ERC1: variants seen among roughly 807,000 people sequenced by gnomAD.
The protein encoded by ERC1 is ELKS/RAB6-interacting/CAST family member 1.
Under a neutral mutation model 132.0 loss-of-function variants are expected in ERC1, and 56 were observed. That is an observed-to-expected ratio of 0.42 (90% confidence interval 0.34 to 0.53). The LOEUF is 0.53. Ranked by LOEUF, ERC1 falls within the 20% of genes least tolerant of loss-of-function variation. The pLI is 0.03. For synonymous variants in ERC1, 478 were observed against 476.1 expected (o/e 1.00, Z -0.05); for missense variants, 1,202 against 1,349.9 (o/e 0.89, Z 1.72).
In ERC1 at chr12:1,399,776, A is replaced by G. The variant is rs149846253; in HGVS notation, c.2926-8373A>G. Among the ~76,000 whole-genome samples the G allele has an allele frequency of 3.9e-3, 595 of 152,284 alleles. 2 individuals carry two copies. The highest frequency in any genetic ancestry group is 0.014 in the African/African-American group (564 of 41,550). ...TATATGGATATGCCAGATTTTATGT[A>G]TCCATTCATAAGTTGTTGGATATTT... On this transcript the variant is annotated intron_variant, in intron 16 of 18. Coordinates refer to ENST00000360905, the MANE Select transcript of ERC1 (RefSeq NM_178040.4).
chr12:1,310,308 C>A (rs2081213509), intron 15 of ERC1, among the ~76,000 whole-genome samples: 2 of 151,940 alleles, frequency 1.3e-5, no homozygotes, highest in Non-Finnish European at 2.9e-5. Context: ...CTCACTGCAA[C>A]CTCTGCCTCT....
chr12:1,138,688 A>C (rs1164360380), intron 7 of ERC1, among the ~76,000 whole-genome samples: 1 of 152,148 alleles, frequency 6.6e-6, no homozygotes, highest in East Asian at 1.9e-4. Context: ...AGGAAAGTAT[A>C]GTATTTATTC....
chr12:1,263,370 C>T (rs1180269607), intron 14 of ERC1, among the ~76,000 whole-genome samples: 3 of 152,134 alleles, frequency 2.0e-5, no homozygotes, highest in Admixed American at 1.3e-4. Context: ...GAAAGAAAGA[C>T]CAACTTTATT....
chr12:1,236,753 C>A lies in ERC1; in HGVS notation c.2352-16C>A. 1 of 1,609,936 alleles carries A rather than the reference C, an allele frequency of 6.2e-7. No homozygotes were observed. Among genetic ancestry groups the A allele is most frequent in the Non-Finnish European group, 8.5e-7 (1 of 1,177,842 alleles). The stretch of plus-strand genomic sequence containing the variant: ...CATACATATGCAAAGCTTGATTTTT[C>A]TCCTTCTGTCATTAGGCAAGTGAAA... On this transcript the variant is annotated splice_polypyrimidine_tract_variant and intron_variant, in intron 12 of 18. Coordinates refer to ENST00000360905, the MANE Select transcript of ERC1 (RefSeq NM_178040.4).
chr12:1,397,996 G>A (rs60561437), intron 16 of ERC1, among the ~76,000 whole-genome samples: 10,962 of 152,038 alleles, frequency 0.072, 779 homozygotes, highest in African/African-American at 0.18. Flanking sequence ...ACAAAAATGC[G>A]AAGTTTTTTT....
At chr12:1,067,277 A>G (rs903531597) in intron 2 of ERC1, among the ~76,000 whole-genome samples, 5 of 152,234 alleles carry the variant, frequency 3.3e-5, no homozygotes, top group Non-Finnish European at 5.9e-5. Flanking sequence ...TGTTTCTGCT[A>G]TCCGATGAAA....
chr12:1,100,945 A>G (rs889899000), intron 3 of ERC1, among the ~76,000 whole-genome samples: 1 of 152,130 alleles, frequency 6.6e-6, no homozygotes, highest in Non-Finnish European at 1.5e-5. Context: ...AGAAAAGCTT[A>G]GGGTAAGATA....
At chr12:1,278,440 TCCAAAAAAAGA>T (rs2078433671) in intron 14 of ERC1, among the ~76,000 whole-genome samples, 1 of 152,078 alleles carries the variant, frequency 6.6e-6, no homozygotes, top group African/African-American at 2.4e-5. Flanking sequence ...AGAATGAATG[TCCAAAAAAAGA>T]GTTGAAATTT....
At chr12:1,331,835 G>A (rs2082887834) in intron 15 of ERC1, among the ~76,000 whole-genome samples, 1 of 151,922 alleles carries the variant, frequency 6.6e-6, no homozygotes, top group South Asian at 2.1e-4. Flanking sequence ...ATACGTTTAA[G>A]TTGTATTTGA....
At chr12:1,001,047 G>A (rs895798803) in intron 1 of ERC1, among the ~76,000 whole-genome samples, 10 of 152,142 alleles carry the variant, frequency 6.6e-5, no homozygotes, top group Admixed American at 2.6e-4. Flanking sequence ...GAGATTACAG[G>A]TATGGGCAAC....
chr12:1,473,414 C>A (rs1388524634), intron 18 of ERC1, among the ~76,000 whole-genome samples: 2 of 152,098 alleles, frequency 1.3e-5, no homozygotes, highest in Admixed American at 1.3e-4. Context: ...TAAGCAACAG[C>A]CTTTCCTTCC....
intron 14 of ERC1, among the ~76,000 whole-genome samples, chr12:1,274,928 G>C (rs2078156899): frequency 6.6e-6 from 1 of 152,212 alleles, no homozygotes; most frequent in Non-Finnish European, 1.5e-5. Context: ...GATGGAAATA[G>C]TTTGGCATAG....
chr12:1,317,331 A>C (rs2081823812), intron 15 of ERC1, among the ~76,000 whole-genome samples: 1 of 152,034 alleles, frequency 6.6e-6, no homozygotes, highest in Admixed American at 6.6e-5. Context: ...GCATGTTCTC[A>C]CTCATAAGTG....
In ERC1 at chr12:1,308,817, G is replaced by T. The variant is rs2081072697; in HGVS notation, c.2780+18805G>T. Among the ~76,000 whole-genome samples, 3 of 152,192 alleles carry T rather than the reference G, an allele frequency of 2.0e-5. No individual in the cohort carries two copies. In the South Asian group the frequency reaches 6.2e-4, roughly 32 times the overall value. On this transcript the variant is annotated intron_variant, in intron 15 of 18. Coordinates refer to ENST00000360905, the MANE Select transcript of ERC1 (RefSeq NM_178040.4). ...GAACTGTGCTGTGCTTTTAGTCACAGTGCTGCGGTCTGAATGGTTATGTCC... is the reference window on the plus strand; with the variant it reads ...GAACTGTGCTGTGCTTTTAGTCACATTGCTGCGGTCTGAATGGTTATGTCC...
chr12:1,382,784 C>T (rs182197656), intron 16 of ERC1, among the ~76,000 whole-genome samples: 1 of 152,238 alleles, frequency 6.6e-6, no homozygotes, highest in Non-Finnish European at 1.5e-5. Context: ...TTGTTTAACT[C>T]TGTCTATAGA....
chr12:1,148,588 T>C (rs950589874), intron 8 of ERC1, among the ~76,000 whole-genome samples: 1 of 152,114 alleles, frequency 6.6e-6, no homozygotes, highest in Non-Finnish European at 1.5e-5. Flanking sequence ...TATTAGTGCT[T>C]CTTTTTTATT....
intron 1 of ERC1, among the ~76,000 whole-genome samples, chr12:1,017,750 C>T (rs1192405499): frequency 1.3e-5 from 2 of 152,114 alleles, no homozygotes; most frequent in African/African-American, 4.8e-5. Flanking sequence ...CTGCCCGCCT[C>T]AGCCTCCCAA....
chr12:1,038,167 G>C (rs117525007), intron 2 of ERC1, among the ~76,000 whole-genome samples: 3 of 152,100 alleles, frequency 2.0e-5, no homozygotes, highest in Non-Finnish European at 4.4e-5. Context: ...TGACAGCTGC[G>C]TGGGTGCCCT....
chr12:1,482,720 T>C lies in ERC1; in HGVS notation c.3214-7373T>C, dbSNP rs552148364. On this transcript the variant is annotated intron_variant, in intron 18 of 18. Coordinates refer to ENST00000360905, the MANE Select transcript of ERC1 (RefSeq NM_178040.4). ...CCTCGGCCTCCCAAAGTTCTGGGAT[T>C]ACAGGCGTGAGCCACTGCACCTGGC... Among the ~76,000 whole-genome samples, 5 of 152,296 alleles carry C rather than the reference T, an allele frequency of 3.3e-5. No homozygotes were observed. In the South Asian group the frequency reaches 1.0e-3, roughly 32 times the overall value.
Sources: allele counts gnomAD v4.1 joint callset (sites outside exome capture counted in the v4.1 genomes callset), GRCh38; gene constraint gnomAD v4.1.1; transcripts MANE v1.5; gene names NCBI Gene and HGNC (gene_info 2026-07-23, HGNC 2026-07-21).